Variants in CLASP1 observed in about 807,000 individuals in gnomAD.
CLASP1 encodes CLIP-associating protein 1.
CLASP1 carries 38 observed loss-of-function variants against 192.3 expected under a neutral mutation model. The ratio of observed to expected loss-of-function variants is 0.20; its 90% CI spans 0.15 to 0.26. CLASP1 has a LOEUF of 0.26. Among genes scored for constraint, CLASP1 ranks in the 10% least tolerant of loss-of-function variants. CLASP1 has a pLI of 1.00. For synonymous variants in CLASP1, 691 were observed against 712.8 expected (o/e 0.97, Z 0.49); for missense variants, 1,433 against 1,932.5 (o/e 0.74, Z 4.85).
intron 2 of CLASP1, among the ~76,000 whole-genome samples, chr2:121,535,505 C>G (rs1283127802): frequency 6.6e-6 from 1 of 151,300 alleles, no homozygotes. Flanking sequence ...CAGAAAAAAT[C>G]CAGAATAAAG....
chr2:121,412,493 G>T (rs1282692007), intron 23 of CLASP1, among the ~76,000 whole-genome samples: 1 of 150,406 alleles, frequency 6.6e-6, no homozygotes. Flanking sequence ...CATTAAAAAA[G>T]GGTAGATAGT....
chr2:121,413,553 G>A (rs147551078), intron 23 of CLASP1, among the ~76,000 whole-genome samples: 38 of 152,324 alleles, frequency 2.5e-4, no homozygotes, highest in African/African-American at 8.2e-4. Flanking sequence ...TGAGAGAGCA[G>A]GTTTGGGGTT....
intron 8 of CLASP1, among the ~76,000 whole-genome samples, chr2:121,484,450 G>C (rs17006551): frequency 0.25 from 38,203 of 152,132 alleles, 7,643 homozygotes; most frequent in African/African-American, 0.55. Flanking sequence ...ACATCCCATG[G>C]TCCCCTTTGT....
chr2:121,531,064 C>T lies in CLASP1; in HGVS notation c.196-739G>A, dbSNP rs570953588. On this transcript the variant is annotated intron_variant, in intron 2 of 39. Coordinates refer to ENST00000263710, the Ensembl canonical transcript of CLASP1. Reference sequence around the variant, plus strand: ...CAAACAGCAGTAATTCGTAAATAAACTAGTACTTTGTGGTTAAACCAGTAG... The same window carrying T: ...CAAACAGCAGTAATTCGTAAATAAATTAGTACTTTGTGGTTAAACCAGTAG... 8.7e-5 allele frequency: 60 copies of T among 693,560 alleles called. 1 individual carries two copies. The highest frequency in any genetic ancestry group is 8.0e-4 in the South Asian group (54 of 67,226). 43.0% of individuals were successfully genotyped at this position (693,560 alleles called of 1,614,324 possible).
At chr2:121,467,970 G>A (rs988157280) in intron 9 of CLASP1, among the ~76,000 whole-genome samples, 15 of 152,136 alleles carry the variant, frequency 9.9e-5, no homozygotes, top group Admixed American at 8.5e-4. Flanking sequence ...TTTGTATAGC[G>A]TGTAAGGAAG....
intron 2 of CLASP1, among the ~76,000 whole-genome samples, chr2:121,599,055 G>A (rs2063475015): frequency 6.6e-6 from 1 of 151,840 alleles, no homozygotes; most frequent in African/African-American, 2.4e-5. Flanking sequence ...AGTAGATACG[G>A]GGTTTCACCA....
chr2:121,612,377 T>C (rs1358497224), intron 1 of CLASP1, among the ~76,000 whole-genome samples: 1 of 143,766 alleles, frequency 7.0e-6, no homozygotes, highest in African/African-American at 2.6e-5. Flanking sequence ...AAAGAGGAAC[T>C]GGAGAAGGAG....
intron 32 of CLASP1, among the ~76,000 whole-genome samples, chr2:121,384,843 T>C (rs918673242): frequency 6.6e-6 from 1 of 152,208 alleles, no homozygotes; most frequent in African/African-American, 2.4e-5. Context: ...ATCATGCCAC[T>C]GCACTCCAGC....
intron 8 of CLASP1, among the ~76,000 whole-genome samples, chr2:121,479,017 CACACA>C (rs1559370660): frequency 2.4e-4 from 16 of 65,992 alleles, no homozygotes; most frequent in African/African-American, 2.2e-3. Context: ...ACACACACAC[CACACA>C]CACACACACC....
chr2:121,469,447 A>G (rs10432593), intron 9 of CLASP1, among the ~76,000 whole-genome samples: 6,350 of 152,260 alleles, frequency 0.042, 171 homozygotes, highest in East Asian at 0.14. Flanking sequence ...TTAAATAGAA[A>G]TTGTCTAAAA....
chr2:121,521,126 G>A (rs1361024014), intron 6 of CLASP1, among the ~76,000 whole-genome samples: 2 of 152,088 alleles, frequency 1.3e-5, no homozygotes, highest in Admixed American at 1.3e-4. Flanking sequence ...TTAAGGTTAT[G>A]TTTTTGAAGA....
At chr2:121,430,260 A>T in intron 19 of CLASP1, 83 bp from the exon 20 acceptor site, 2 of 1,066,960 alleles carry the variant, frequency 1.9e-6, no homozygotes, top group Non-Finnish European at 2.8e-6. Context: ...GCCCCAAAAG[A>T]GGGGCACTGA....
chr2:121,464,316 G>T (rs1440818986), intron 9 of CLASP1, among the ~76,000 whole-genome samples: 5 of 152,176 alleles, frequency 3.3e-5, no homozygotes, highest in Non-Finnish European at 2.9e-5. Flanking sequence ...ACGTGTGCAT[G>T]TGTCTTTACA....
intron 8 of CLASP1, among the ~76,000 whole-genome samples, chr2:121,479,003 CCACA>C (rs1412483603): frequency 1.0e-5 from 1 of 96,460 alleles, no homozygotes. Flanking sequence ...CACACACACA[CCACA>C]CACACACACC....
At chr2:121,461,248 A>G in intron 10 of CLASP1, 55 bp from the exon 11 acceptor site, 1 of 939,220 alleles carries the variant, frequency 1.1e-6, no homozygotes, top group South Asian at 1.6e-5. Flanking sequence ...TAAACAGATT[A>G]TTTCTTAATT....
rs1014282480 is a variant in CLASP1 at position 121,449,082 on chromosome 2, G to C, written c.1562C>G (p.Ala521Gly). ...CTCCAAGGTGTGGTACAAGTGCTCT[G>C]CTTCTCTGCTGAAGTGACTGTGGAA... The change falls in exon 17 of 40, where the codon GCA (alanine) becomes GGA (glycine). Residue 521 changes from alanine to glycine, a missense_variant. By Grantham distance (60) the Ala-to-Gly change is moderately conservative. Coordinates refer to ENST00000263710, the Ensembl canonical transcript of CLASP1. 11 of 1,613,826 alleles carry C rather than the reference G, an allele frequency of 6.8e-6. No individual in the cohort carries two copies. The African/African-American group carries it at 1.5e-4, about 22-fold the overall frequency.
rs1487164913 is a variant in CLASP1, at chr2:121,531,001, TG to T, written c.196-677del. ...TTTTGCTTTATTTTGGTGCAATTTT[TG>T]GAAAAATGAAAACCTGTTTTCATAG... On this transcript the variant is annotated intron_variant, in intron 2 of 39. Transcript: ENST00000263710. 2.9e-6 allele frequency: 2 copies of T among 700,274 alleles called. No individual in the cohort carries two copies. Among genetic ancestry groups the T allele is most frequent in the East Asian group, 2.7e-5 (1 of 37,290 alleles). 43.4% of individuals were successfully genotyped at this position (700,274 alleles called of 1,614,324 possible).
chr2:121,627,581 C>A (rs774744290), intron 1 of CLASP1, among the ~76,000 whole-genome samples: 22 of 152,204 alleles, frequency 1.4e-4, no homozygotes, highest in Admixed American at 6.5e-5. Flanking sequence ...TAAAGCTACA[C>A]CTTAGGTGTA....
chr2:121,427,277 GA>G, intron 21 of CLASP1, 126 bp downstream of exon 21: 1 of 1,209,422 alleles, frequency 8.3e-7, no homozygotes, highest in Admixed American at 2.7e-5. Flanking sequence ...TGAACACAAA[GA>G]AAAACGCAGA....
Sources: gnomAD v4.1 joint callset for allele counts (sites outside exome capture counted in the v4.1 genomes callset) on GRCh38, gnomAD v4.1.1 for gene constraint, MANE v1.5 for transcripts, NCBI Gene and HGNC (gene_info 2026-07-23, HGNC 2026-07-21) for gene names.